BCAT1: variants seen among roughly 807,000 people sequenced by gnomAD.
BCAT1 encodes the protein branched chain amino acid transaminase 1, also known as branched-chain-amino-acid aminotransferase, cytosolic.
A neutral mutation model predicts 52.4 loss-of-function variants in BCAT1; 48 were observed. The observed-to-expected ratio is 0.92, with a 90% CI of 0.73 to 1.16. The LOEUF (loss-of-function observed/expected upper bound fraction) is 1.16, where lower values mean the gene tolerates loss of function less well. Ranked by LOEUF, BCAT1 falls within the 50% of genes most tolerant of loss-of-function variation. The pLI is 0.00. For synonymous variants in BCAT1, 167 were observed against 161.3 expected (o/e 1.04, Z -0.27); for missense variants, 451 against 457.1 (o/e 0.99, Z 0.12).
intron 3 of BCAT1, among the ~76,000 whole-genome samples, chr12:24,881,801 T>C (rs1942507623): frequency 6.6e-6 from 1 of 151,874 alleles, no homozygotes; most frequent in Non-Finnish European, 1.5e-5. Flanking sequence ...CCCCAAAGAG[T>C]ACCCCCATAT....
At chr12:24,889,792 C>T (rs777074692) in intron 3 of BCAT1, among the ~76,000 whole-genome samples, 40 of 152,072 alleles carry the variant, frequency 2.6e-4, no homozygotes, top group Non-Finnish European at 1.3e-4. Context: ...GAATTCAATA[C>T]CACCCTAGGC....
At chr12:24,902,479 T>C in intron 1 of BCAT1, 6 of 887,784 alleles carry the variant, frequency 6.8e-6, no homozygotes, top group Non-Finnish European at 8.3e-6. Context: ...CAGACATTTG[T>C]TTTAATGCGT....
At chr12:24,879,310 C>G (rs984929472) in intron 4 of BCAT1, among the ~76,000 whole-genome samples, 1 of 151,892 alleles carries the variant, frequency 6.6e-6, no homozygotes, top group Admixed American at 6.6e-5. Flanking sequence ...TGGATATCCC[C>G]AAAGTCAATG....
chr12:24,903,051 G>A (rs1427404238), intron 1 of BCAT1: 4 of 1,393,614 alleles, frequency 2.9e-6, no homozygotes, highest in South Asian at 1.6e-5. Context: ...GCGGCTGGAA[G>A]CGAAAGCAGG....
intron 1 of BCAT1, among the ~76,000 whole-genome samples, chr12:24,914,769 T>A (rs1018771716): frequency 6.6e-5 from 10 of 152,214 alleles, no homozygotes; most frequent in African/African-American, 2.2e-4. Flanking sequence ...CCAAAGTTTA[T>A]ATCAAGTTGT....
At chr12:24,926,896 C>CTAT (rs1943597578) in intron 1 of BCAT1, among the ~76,000 whole-genome samples, 1 of 151,978 alleles carries the variant, frequency 6.6e-6, no homozygotes, top group African/African-American at 2.4e-5. Context: ...CTTCCCTCCA[C>CTAT]TATTGTCCTA....
At chr12:24,855,679 C>A (rs1941656489) in intron 5 of BCAT1, among the ~76,000 whole-genome samples, 1 of 152,244 alleles carries the variant, frequency 6.6e-6, no homozygotes, top group Non-Finnish European at 1.5e-5. Context: ...CCACGCCTGG[C>A]ACCATTCTTT....
intron 5 of BCAT1, among the ~76,000 whole-genome samples, chr12:24,869,434 T>C (rs1260718040): frequency 6.6e-6 from 1 of 152,180 alleles, no homozygotes; most frequent in Non-Finnish European, 1.5e-5. Context: ...AGTCCCTGTT[T>C]CCCTTTTTTC....
At chr12:24,933,109 C>CTTTTTTTTTTTTTT (rs57512325) in intron 1 of BCAT1, among the ~76,000 whole-genome samples, 2 of 68,528 alleles carry the variant, frequency 2.9e-5, no homozygotes, top group African/African-American at 6.3e-5. Context: ...CACGCCTGGC[C>CTTTTTTTTTTTTTT]TTTTTTTTTT....
intron 6 of BCAT1, among the ~76,000 whole-genome samples, chr12:24,847,459 C>A (rs757590194): frequency 2.0e-5 from 3 of 152,192 alleles, no homozygotes; most frequent in Non-Finnish European, 2.9e-5. Flanking sequence ...CATTTACGCA[C>A]CATTATGACA....
intron 5 of BCAT1, among the ~76,000 whole-genome samples, chr12:24,856,102 C>A (rs570015632): frequency 6.6e-6 from 1 of 152,308 alleles, no homozygotes; most frequent in South Asian, 2.1e-4. Context: ...ACCTCTGCAC[C>A]TTACATGTAA....
chr12:24,870,541 AC>A (rs1434398228), intron 5 of BCAT1, among the ~76,000 whole-genome samples: 5 of 152,054 alleles, frequency 3.3e-5, no homozygotes, highest in East Asian at 1.9e-4. Flanking sequence ...TGAAAGTCTG[AC>A]CCCCTGCCAG....
At chr12:24,887,536 T>C (rs1325386345) in intron 3 of BCAT1, among the ~76,000 whole-genome samples, 1 of 152,150 alleles carries the variant, frequency 6.6e-6, no homozygotes, top group Non-Finnish European at 1.5e-5. Context: ...CAAAGAAAGG[T>C]TATCACAAAA....
chr12:24,840,050 T>C (rs934882716), intron 7 of BCAT1, among the ~76,000 whole-genome samples: 16 of 152,210 alleles, frequency 1.1e-4, no homozygotes, highest in Admixed American at 9.2e-4. Flanking sequence ...ATCTGAATAG[T>C]AACTAACAGT....
At chr12:24,874,978 T>C (rs1209171423) in intron 5 of BCAT1, among the ~76,000 whole-genome samples, 3 of 118,000 alleles carry the variant, frequency 2.5e-5, no homozygotes, top group African/African-American at 6.5e-5. Context: ...TAAAAACATA[T>C]AGAAGTCAGC....
intron 9 of BCAT1, 72 bp downstream of exon 9, chr12:24,832,651 A>T: frequency 1.4e-6 from 2 of 1,461,110 alleles, no homozygotes; most frequent in Non-Finnish European, 1.8e-6. Context: ...ATACAATTTT[A>T]TTCATACACT....
intron 1 of BCAT1, among the ~76,000 whole-genome samples, chr12:24,906,380 C>T (rs1171559738): frequency 1.3e-5 from 2 of 151,958 alleles, no homozygotes; most frequent in African/African-American, 2.4e-5. Flanking sequence ...TGAAGTGTCT[C>T]CAAGACTGGC....
At chr12:24,913,439 G>A (rs1194464961) in intron 1 of BCAT1, among the ~76,000 whole-genome samples, 6 of 152,182 alleles carry the variant, frequency 3.9e-5, no homozygotes, top group African/African-American at 1.2e-4. Context: ...CAGTGCAAAC[G>A]TTGGCACCAA....
rs1245203518 is a variant in BCAT1 at position 24,887,080 on chromosome 12, A to AAAAAAAAAAAATAT, written c.280-5670_280-5669insATATTTTTTTTTTT. 3.7e-3 allele frequency among the ~76,000 whole-genome samples: 152 copies of AAAAAAAAAAAATAT among 40,696 alleles called. 3 individuals are homozygous for AAAAAAAAAAAATAT. Among genetic ancestry groups the AAAAAAAAAAAATAT allele is most frequent in the Non-Finnish European group, 6.0e-3 (115 of 19,026 alleles). The allele number at this position is 40,696 out of a possible 152,430, so 26.7% of individuals were successfully genotyped here. A position where few individuals can be genotyped will look rare whatever the true frequency, so the allele number is the denominator to read the frequency against. ...GCTAGCTAAAAAAAAAAAAAAAAAA[A>AAAAAAAAAAAATAT]ATATATATATATATATATATATATA... On this transcript the variant is annotated intron_variant, in intron 3 of 10. Coordinates refer to ENST00000261192, the MANE Select transcript of BCAT1 (RefSeq NM_005504.7).
Sources: allele counts gnomAD v4.1 joint callset (sites outside exome capture counted in the v4.1 genomes callset), GRCh38; gene constraint gnomAD v4.1.1; transcripts MANE v1.5; gene names NCBI Gene and HGNC (gene_info 2026-07-23, HGNC 2026-07-21).